IRAG2: variants seen among roughly 807,000 people sequenced by gnomAD.
The protein encoded by IRAG2 is lymphoid restricted membrane protein.
In IRAG2, 45 loss-of-function variants were observed where a neutral mutation model predicts 69.9. That is an observed-to-expected ratio of 0.64 (90% CI 0.51 to 0.83). The LOEUF is 0.83. IRAG2 is among the 40% of genes least tolerant of loss of function. The pLI is 0.00. For missense variants in IRAG2, 520 were observed against 587.0 expected (o/e 0.89, Z 1.18); for synonymous variants, 193 against 202.4 (o/e 0.95, Z 0.40).
At chr12:25,103,589 C>A in intron 17 of IRAG2, 6 of 436,168 alleles carry the variant, frequency 1.4e-5, no homozygotes, top group South Asian at 3.9e-5. Flanking sequence ...AATTACAAAC[C>A]TAAACAAATT....
At chr12:25,022,847 C>A (rs535544578) in intron 7 of IRAG2, among the ~76,000 whole-genome samples, 1 of 152,122 alleles carries the variant, frequency 6.6e-6, no homozygotes, top group Non-Finnish European at 1.5e-5. Flanking sequence ...GTAGGGCCAC[C>A]GGGCGTGGTG....
At chr12:25,103,726 T>A in intron 17 of IRAG2, 111 bp from the exon 18 acceptor site, 1 of 745,888 alleles carries the variant, frequency 1.3e-6, no homozygotes, top group Non-Finnish European at 2.3e-6. Context: ...TCTGTTTAAC[T>A]CAGCTGTGGT....
intron 6 of IRAG2, among the ~76,000 whole-genome samples, chr12:25,072,206 A>G (rs1946383479): frequency 1.3e-5 from 2 of 152,144 alleles, no homozygotes; most frequent in South Asian, 4.1e-4. Context: ...CTCCATCTCA[A>G]AAGAAAAAAA....
chr12:25,041,938 T>C (rs1415750462), intron 16 of IRAG2, among the ~76,000 whole-genome samples: 1 of 149,668 alleles, frequency 6.7e-6, no homozygotes, highest in Non-Finnish European at 1.5e-5. Context: ...CAGTGCTGAA[T>C]TGAATTTTTG....
At chr12:25,012,607 C>G (rs1409002019) in intron 3 of IRAG2, among the ~76,000 whole-genome samples, 1 of 152,110 alleles carries the variant, frequency 6.6e-6, no homozygotes, top group East Asian at 1.9e-4. Flanking sequence ...GCAGGTGGAA[C>G]AGCTGAGGTT....
intron 9 of IRAG2, among the ~76,000 whole-genome samples, chr12:25,081,076 G>T (rs1356278033): frequency 6.6e-6 from 1 of 152,144 alleles, no homozygotes; most frequent in Admixed American, 6.5e-5. Flanking sequence ...TTATTAATTA[G>T]ATATTTACAG....
At chr12:25,043,836 G>C (rs1324104466) in intron 16 of IRAG2, among the ~76,000 whole-genome samples, 2 of 152,068 alleles carry the variant, frequency 1.3e-5, no homozygotes. Flanking sequence ...TAAAGAAGTA[G>C]GAAAATATGT....
intron 21 of IRAG2, among the ~76,000 whole-genome samples, 179 bp downstream of exon 21, chr12:25,107,229 C>T (rs1399865980): frequency 6.6e-6 from 1 of 152,144 alleles, no homozygotes; most frequent in African/African-American, 2.4e-5. Flanking sequence ...TTTTGAGAGA[C>T]AGACTACATT....
intron 21 of IRAG2, among the ~76,000 whole-genome samples, 160 bp from the exon 22 acceptor site, chr12:25,107,657 C>A (rs1238036432): frequency 6.6e-6 from 1 of 152,244 alleles, no homozygotes; most frequent in African/African-American, 2.4e-5. Flanking sequence ...GGGTGGGAGG[C>A]AGATTGTTTC....
At chr12:25,083,166 A>T (rs1434657863) in intron 9 of IRAG2, among the ~76,000 whole-genome samples, 1 of 152,224 alleles carries the variant, frequency 6.6e-6, no homozygotes, top group African/African-American at 2.4e-5. Flanking sequence ...AGCCTAAAAA[A>T]TGATTTTTAA....
chr12:25,079,363 G>C, intron 7 of IRAG2, 35 bp from the exon 8 acceptor site: 1 of 1,607,668 alleles, frequency 6.2e-7, no homozygotes, highest in Non-Finnish European at 8.5e-7. Context: ...ATTTGGACCT[G>C]ACATTCCAAA....
At chr12:25,027,790 A>G (rs1234735369) in intron 9 of IRAG2, among the ~76,000 whole-genome samples, 1 of 152,010 alleles carries the variant, frequency 6.6e-6, no homozygotes, top group Non-Finnish European at 1.5e-5. Context: ...GGCTGTTTTC[A>G]CTTTCTGGCT....
chr12:25,020,504 G>A (rs1019282136), intron 6 of IRAG2, among the ~76,000 whole-genome samples: 22 of 152,116 alleles, frequency 1.4e-4, no homozygotes, highest in African/African-American at 4.8e-4. Context: ...GAAAGAACCA[G>A]GTAATTCAGC....
At chr12:25,016,755 GAA>G (rs34765422) in intron 5 of IRAG2, among the ~76,000 whole-genome samples, 1 of 132,562 alleles carries the variant, frequency 7.5e-6, no homozygotes, top group African/African-American at 2.7e-5. Context: ...CTCAAAAAAT[GAA>G]AAAAAAAAAA....
rs768779171 is a variant in IRAG2, at chr12:25,107,865, A to G, written c.1305A>G (p.Arg435=). ...CAACAAATCTCAAGTCCTCCATCAGAAAGGCTAATAAGGCCCTCTGGCTCT... is the reference window on the plus strand; with the variant it reads ...CAACAAATCTCAAGTCCTCCATCAGGAAGGCTAATAAGGCCCTCTGGCTCT... ...SWATNLKSSI[R]KANKALWLSI... is the part of the protein sequence containing the mutation. The change falls in exon 22 of 22, where the codon AGA becomes AGG. Residue 435 remains arginine, a synonymous_variant. Transcript: ENST00000556887. The G allele has an allele frequency of 2.5e-6, 4 of 1,614,098 alleles. No homozygotes were observed. In the South Asian group the frequency reaches 4.4e-5, roughly 18 times the overall value.
chr12:25,060,842 T>G (rs1945584876), intron 1 of IRAG2, among the ~76,000 whole-genome samples: 1 of 151,586 alleles, frequency 6.6e-6, no homozygotes. Flanking sequence ...TGTATTTTTT[T>G]TTTTTAGTAG....
chr12:25,075,287 G>C (rs761482744), intron 6 of IRAG2, among the ~76,000 whole-genome samples: 1 of 151,924 alleles, frequency 6.6e-6, no homozygotes, highest in Non-Finnish European at 1.5e-5. Context: ...AGAAAATCAC[G>C]TTTATTTAAG....
intron 12 of IRAG2, among the ~76,000 whole-genome samples, chr12:25,032,770 A>T (rs1432069437): frequency 6.6e-6 from 1 of 152,142 alleles, no homozygotes; most frequent in Non-Finnish European, 1.5e-5. Context: ...AAGGACACTA[A>T]TCCCATTCAT....
chr12:25,079,296 C>A lies in IRAG2; in HGVS notation c.71+6C>A, dbSNP rs762563213. 6.2e-7 allele frequency: 1 copy of A among 1,613,864 alleles called. No homozygotes were observed. The highest frequency in any genetic ancestry group is 1.1e-5 in the South Asian group (1 of 91,080). On this transcript the variant is annotated splice_donor_region_variant and intron_variant, in intron 7 of 21. Coordinates refer to ENST00000556887, the MANE Select transcript of IRAG2 (RefSeq NM_001366544.2). ...GAGAGCCTGCTGCAGTCCAGGTTTG[C>A]TTGTTTGTGTTGTGTGTGTGAATTT...
Sources: gnomAD v4.1 joint callset for allele counts (sites outside exome capture counted in the v4.1 genomes callset) on GRCh38, gnomAD v4.1.1 for gene constraint, MANE v1.5 for transcripts, NCBI Gene and HGNC (gene_info 2026-07-23, HGNC 2026-07-21) for gene names.